The following UTP15 variants were observed in gnomAD, a reference collection of about 807,000 sequenced individuals.
The protein encoded by UTP15 is UTP15 small subunit processome component.
Under a neutral mutation model 59.1 loss-of-function variants are expected in UTP15, and 5 were observed. The observed-to-expected ratio is 0.08, with a 90% CI of 0.04 to 0.18. UTP15 has a LOEUF of 0.18. Among genes scored for constraint, UTP15 ranks in the 10% least tolerant of loss-of-function variants. The pLI, the probability that UTP15 is intolerant of heterozygous loss-of-function variation, is 1.00. For missense variants in UTP15, 494 were observed against 616.7 expected, an observed-to-expected ratio of 0.80 and a Z score of 2.11; for synonymous variants, 211 against 212.2, an observed-to-expected ratio of 0.99 and a Z score of 0.05.
chr5:73,582,574 AT>A lies in UTP15; in HGVS notation c.*2481del, dbSNP rs944175041. On this transcript the variant is annotated 3_prime_UTR_variant, in exon 13 of 13. Transcript: ENST00000296792. ...TAATTTTTTATTTTGATTTTTTGAGATAAGAGGTCTCACCATGTTGCCCAGG... is the reference window on the plus strand; with the variant it reads ...TAATTTTTTATTTTGATTTTTTGAGAAAGAGGTCTCACCATGTTGCCCAGG... 4 of 152,046 alleles carry A rather than the reference AT, an allele frequency of 2.6e-5. No individual in the cohort carries two copies. The highest frequency in any genetic ancestry group is 5.9e-5 in the Non-Finnish European group (4 of 68,028). 9.4% of individuals were successfully genotyped at this position (152,046 alleles called of 1,614,324 possible). A position where few individuals can be genotyped will look rare whatever the true frequency, so the allele number is the denominator to read the frequency against.
rs1748323503 is a variant in UTP15, at chr5:73,581,778, A to C, written c.*1684A>C. The stretch of plus-strand genomic sequence containing the variant: ...AATATGTTAAGTGAATATACTTAAT[A>C]TATTCTAGTACAGGTATGCTTGGAA... On this transcript the variant is annotated 3_prime_UTR_variant, in exon 13 of 13. Transcript: ENST00000296792. 6.6e-6 allele frequency: 1 copy of C among 152,136 alleles called. No individual in the cohort carries two copies. The highest frequency in any genetic ancestry group is 2.4e-5 in the African/African-American group (1 of 41,436). 9.4% of individuals were successfully genotyped at this position (152,136 alleles called of 1,614,324 possible).
At chr5:73,570,747 GTTTTGAA>G (rs1747908878) in intron 6 of UTP15, 36 bp downstream of exon 6, 1 of 1,604,392 alleles carries the variant, frequency 6.2e-7, no homozygotes, top group African/African-American at 1.3e-5. Context: ...AATATTGTTG[GTTTTGAA>G]TCACGTTTGT....
intron 9 of UTP15, 26 bp from the exon 10 acceptor site, chr5:73,578,725 C>T: frequency 1.3e-6 from 2 of 1,595,358 alleles, no homozygotes; most frequent in Non-Finnish European, 1.7e-6. Flanking sequence ...GATTTTCCTT[C>T]TCTATAAATG....
At chr5:73,568,789 G>T (rs562010910) in intron 4 of UTP15, among the ~76,000 whole-genome samples, 185 bp downstream of exon 4, 1 of 152,290 alleles carries the variant, frequency 6.6e-6, no homozygotes, top group South Asian at 2.1e-4. Flanking sequence ...TGGGGCTTAT[G>T]AATTCCCTAG....
At chr5:73,566,034 G>A (rs1156814255) in intron 1 of UTP15, 122 bp downstream of exon 1, 6 of 353,324 alleles carry the variant, frequency 1.7e-5, no homozygotes, top group African/African-American at 1.3e-4. Flanking sequence ...TTCTTTAACC[G>A]GCTCAAGTTC....
chr5:73,577,699 T>G (rs1480388548), intron 8 of UTP15, among the ~76,000 whole-genome samples, 157 bp from the exon 9 acceptor site: 3 of 152,186 alleles, frequency 2.0e-5, no homozygotes, highest in Non-Finnish European at 4.4e-5. Context: ...CTTTAACGTC[T>G]TGCACCAATC....
At position 73,581,471 on chromosome 5, in the gene UTP15, C is replaced by T. The variant is rs142067900; in HGVS notation, c.*1377C>T. 271 of 152,256 alleles carry T rather than the reference C, an allele frequency of 1.8e-3. 1 individual carries two copies. Among genetic ancestry groups the T allele is most frequent in the African/African-American group, 6.4e-3 (266 of 41,544 alleles). The allele number at this position is 152,256 out of a possible 1,614,324, so 9.4% of individuals were successfully genotyped here. ...TACACTGGTTTCACAGTTGCTACCT[C>T]TCCTGCTTTTCTCTAATTATTACGC... is the stretch of plus-strand genomic sequence containing the variant. On this transcript the variant is annotated 3_prime_UTR_variant, in exon 13 of 13. Transcript: ENST00000296792.
chr5:73,578,068 C>G, intron 9 of UTP15, 63 bp downstream of exon 9: 3 of 1,518,160 alleles, frequency 2.0e-6, no homozygotes, highest in Non-Finnish European at 2.7e-6. Context: ...CAGCTTCATC[C>G]CTGCACATTA....
Position 73,582,705 on chromosome 5 carries a change from T to G in UTP15, c.*2611T>G, listed in dbSNP as rs564271700. On this transcript the variant is annotated 3_prime_UTR_variant, in exon 13 of 13. Coordinates refer to ENST00000296792, the MANE Select transcript of UTP15 (RefSeq NM_032175.4). Reference sequence around the variant, plus strand: ...CGCCCAGCAGGAATGGTTATTATATTCATTGAGATAAACTGTAGTATTTGC... The same window carrying G: ...CGCCCAGCAGGAATGGTTATTATATGCATTGAGATAAACTGTAGTATTTGC... The G allele has an allele frequency of 6.6e-6, 1 of 152,354 alleles. No homozygotes were observed. Among genetic ancestry groups the G allele is most frequent in the Admixed American group, 6.5e-5 (1 of 15,294 alleles). The allele number at this position is 152,354 out of a possible 1,614,324, so 9.4% of individuals were successfully genotyped here.
intron 12 of UTP15, 60 bp downstream of exon 12, chr5:73,579,435 A>G: frequency 1.5e-6 from 2 of 1,326,170 alleles, no homozygotes; most frequent in Non-Finnish European, 2.1e-6. Context: ...GATGTCAAAT[A>G]ATCAAATTTG....
At position 73,572,566 on chromosome 5, in the gene UTP15, G is replaced by A. The variant is rs571454689; in HGVS notation, c.751G>A (p.Val251Met). Residue 251 changes from valine to methionine, a missense_variant, in exon 7 of 13, where the codon GTG (valine) becomes ATG (methionine). Val to Met is a conservative substitution (Grantham distance 21, BLOSUM62 1). Coordinates refer to ENST00000296792, the MANE Select transcript of UTP15 (RefSeq NM_032175.4). ...ATCTTTGAAAAATCATCACAAAACC[G>A]TGACATGTTTATGTCTAAGCAGCTC... ...LVSLKNHHKT[V>M]TCLCLSSSGQ... The A allele has an allele frequency of 1.5e-5, 24 of 1,614,096 alleles. No homozygotes were observed. In the Admixed American group the frequency reaches 2.7e-4, roughly 18 times the overall value.
intron 7 of UTP15, among the ~76,000 whole-genome samples, chr5:73,574,869 A>G (rs149912518): frequency 6.6e-6 from 1 of 152,200 alleles, no homozygotes; most frequent in South Asian, 2.1e-4. Context: ...CAGCATGTTA[A>G]TTAAAAAGTA....
rs1021286850 is a variant in UTP15 at position 73,568,306 on chromosome 5, T to C, written c.162T>C (p.Tyr54=). The change falls in exon 3 of 13, where the codon TAT becomes TAC. Residue 54 remains tyrosine (Y), a synonymous_variant. Transcript: ENST00000296792. ...TTTCTCCTCAGCCTCCATATAATTATGCTGTCACAGCTTCCTCAAGAGTAA... is the reference window on the plus strand; with the variant it reads ...TTTCTCCTCAGCCTCCATATAATTACGCTGTCACAGCTTCCTCAAGAGTAA... The part of the protein sequence containing the change: ...VDFSPQPPYN[Y]AVTASSRIHI... 6 of 1,610,664 alleles carry C rather than the reference T, an allele frequency of 3.7e-6. No homozygotes were observed. Among genetic ancestry groups the C allele is most frequent in the Middle Eastern group, 1.9e-4 (1 of 5,304 alleles).
intron 5 of UTP15, among the ~76,000 whole-genome samples, chr5:73,569,900 A>G (rs987718922): frequency 1.3e-5 from 2 of 152,110 alleles, no homozygotes; most frequent in African/African-American, 4.8e-5. Context: ...TGATGTGACC[A>G]TAGCTCACTG....
Position 73,578,739 on chromosome 5 carries a change from T to C in UTP15, c.1045-12T>C, listed in dbSNP as rs1481610426. On this transcript the variant is annotated splice_polypyrimidine_tract_variant and intron_variant, in intron 9 of 12. Coordinates refer to ENST00000296792, the MANE Select transcript of UTP15 (RefSeq NM_032175.4). Reference sequence around the variant, plus strand: ...TGATTTTCCTTCTCTATAAATGTACTTTTCATTGCAGGATGACATTTTGAT... The same window carrying C: ...TGATTTTCCTTCTCTATAAATGTACCTTTCATTGCAGGATGACATTTTGAT... 6 of 1,611,814 alleles carry C rather than the reference T, an allele frequency of 3.7e-6. No individual in the cohort carries two copies. The highest frequency in any genetic ancestry group is 5.1e-6 in the Non-Finnish European group (6 of 1,178,176).
Position 73,580,414 on chromosome 5 carries a change from A to T in UTP15, c.*320A>T, listed in dbSNP as rs890180337. 4.8e-5 allele frequency: 9 copies of T among 188,468 alleles called. No homozygotes were observed. The highest frequency in any genetic ancestry group is 2.1e-4 in the African/African-American group (9 of 42,198). The allele number at this position is 188,468 out of a possible 1,614,324, so 11.7% of individuals were successfully genotyped here. A position where few individuals can be genotyped will look rare whatever the true frequency, so the allele number is the denominator to read the frequency against. ...CATTTGGGTTGGTATTCAGATGGGA[A>T]TTCAAATATGAATCCTCTCTGGAGA... is the stretch of plus-strand genomic sequence containing the variant. On this transcript the variant is annotated 3_prime_UTR_variant, in exon 13 of 13. Transcript: ENST00000296792.
chr5:73,567,831 C>T (rs1441661122), intron 2 of UTP15, among the ~76,000 whole-genome samples: 1 of 152,172 alleles, frequency 6.6e-6, no homozygotes, highest in East Asian at 1.9e-4. Context: ...AAGTCTATTG[C>T]TCCTATGAAA....
intron 6 of UTP15, among the ~76,000 whole-genome samples, chr5:73,570,943 A>G (rs1326466488): frequency 1.3e-5 from 2 of 152,336 alleles, no homozygotes; most frequent in African/African-American, 4.8e-5. Context: ...GCTACAAGGT[A>G]GTTAGCTTTT....
At chr5:73,572,992 T>G (rs1274854047) in intron 7 of UTP15, among the ~76,000 whole-genome samples, 2 of 151,984 alleles carry the variant, frequency 1.3e-5, no homozygotes, top group African/African-American at 4.8e-5. Flanking sequence ...GAGACGGAGT[T>G]TCACCATGTT....
Sources: allele counts gnomAD v4.1 joint callset (sites outside exome capture counted in the v4.1 genomes callset), GRCh38; gene constraint gnomAD v4.1.1; transcripts MANE v1.5; gene names NCBI Gene and HGNC (gene_info 2026-07-23, HGNC 2026-07-21).